Variants in SYNPR observed in about 807,000 individuals in gnomAD.
SYNPR encodes the protein synaptoporin.
In SYNPR, 23 loss-of-function variants were observed where a neutral mutation model predicts 32.9. The ratio of observed to expected loss-of-function variants is 0.70; its 90% CI spans 0.50 to 0.99. SYNPR has a LOEUF of 0.99. Ranked by LOEUF, SYNPR falls within the 50% of genes least tolerant of loss-of-function variation. The pLI is 0.00. For synonymous variants in SYNPR, 146 were observed against 135.9 expected (o/e 1.07, Z -0.52); for missense variants, 318 against 349.3 (o/e 0.91, Z 0.71).
chr3:63,260,226 A>G (rs1015881880), intron 2 of SYNPR, among the ~76,000 whole-genome samples: 1 of 152,196 alleles, frequency 6.6e-6, no homozygotes, highest in African/African-American at 2.4e-5. Context: ...ACTACTTTGA[A>G]GTTCATATGG....
intron 4 of SYNPR, among the ~76,000 whole-genome samples, chr3:63,586,277 CAA>C (rs368641190): frequency 7.2e-6 from 1 of 138,918 alleles, no homozygotes; most frequent in Admixed American, 7.3e-5. Context: ...TGCTCATTTG[CAA>C]AAAAAAAAGA....
At chr3:63,340,482 GGA>G (rs1431221661) in intron 2 of SYNPR, among the ~76,000 whole-genome samples, 1 of 148,236 alleles carries the variant, frequency 6.7e-6, no homozygotes, top group African/African-American at 2.5e-5. Flanking sequence ...TGCAGTGGCG[GGA>G]TCTCGGCTCA....
intron 2 of SYNPR, among the ~76,000 whole-genome samples, chr3:63,296,581 T>C (rs2086793445): frequency 6.6e-6 from 1 of 152,136 alleles, no homozygotes; most frequent in African/African-American, 2.4e-5. Context: ...CAGATAAACA[T>C]CTAGGAAGCA....
Position 63,331,271 on chromosome 3 carries a change from A to G in SYNPR, c.84+52529A>G, listed in dbSNP as rs183186647. Among the ~76,000 whole-genome samples, 364 of 152,338 alleles carry G rather than the reference A, an allele frequency of 2.4e-3. 1 individual carries two copies. Among genetic ancestry groups the G allele is most frequent in the African/African-American group, 8.6e-3 (356 of 41,572 alleles). The stretch of plus-strand genomic sequence containing the variant: ...TGAAACCTATTGCCGTTCTAGGATT[A>G]AAGGATCTCTCAACATACTTCTGGG... On this transcript the variant is annotated intron_variant, in intron 2 of 5. Transcript: ENST00000478300.
intron 2 of SYNPR, among the ~76,000 whole-genome samples, chr3:63,416,547 A>C (rs1416472489): frequency 2.7e-5 from 4 of 147,786 alleles, no homozygotes; most frequent in Non-Finnish European, 4.5e-5. Context: ...AAAAAAAAAA[A>C]AAAAACCAAA....
upstream of SYNPR, among the ~76,000 whole-genome samples, chr3:63,273,985 CACAA>C (rs577629859): frequency 2.3e-4 from 35 of 152,270 alleles, 1 homozygote; most frequent in South Asian, 6.2e-4. Context: ...AGATCAAACA[CACAA>C]ACAAATAAAC....
At chr3:63,467,112 G>A (rs369327821) in intron 2 of SYNPR, among the ~76,000 whole-genome samples, 5 of 152,100 alleles carry the variant, frequency 3.3e-5, no homozygotes, top group African/African-American at 1.2e-4. Context: ...TCAGGCTCAC[G>A]TCATCCTCCC....
chr3:63,419,038 A>T (rs1349698622), intron 2 of SYNPR, among the ~76,000 whole-genome samples: 17 of 152,204 alleles, frequency 1.1e-4, no homozygotes, highest in Admixed American at 1.1e-3. Context: ...CTTTTTCTAG[A>T]GTTCCTCCAT....
chr3:63,402,417 A>G lies in SYNPR; in HGVS notation c.85-78415A>G, dbSNP rs1575626209. On this transcript the variant is annotated intron_variant, in intron 2 of 5. Coordinates refer to ENST00000478300, the MANE Select transcript of SYNPR (RefSeq NM_001130003.2). ...ATCAGAGGATAGAAATTCAATATGAATTCTAGTTCTTATCCCAAAAGCAAG... is the reference window on the plus strand; with the variant it reads ...ATCAGAGGATAGAAATTCAATATGAGTTCTAGTTCTTATCCCAAAAGCAAG... Among the ~76,000 whole-genome samples the G allele has an allele frequency of 3.9e-5, 6 of 152,330 alleles. 1 individual carries two copies. Among genetic ancestry groups the G allele is most frequent in the East Asian group, 1.9e-4 (1 of 5,188 alleles).
chr3:63,610,561 A>G (rs1423247827), intron 5 of SYNPR: 5 of 689,666 alleles, frequency 7.2e-6, no homozygotes, highest in South Asian at 4.6e-5. Flanking sequence ...TTGGTGAGAT[A>G]GTAACCATGA....
intron 1 of SYNPR, among the ~76,000 whole-genome samples, chr3:63,246,179 C>T (rs2086287955): frequency 6.6e-6 from 1 of 152,008 alleles, no homozygotes. Flanking sequence ...AAATGTATCC[C>T]CTTGCATGCT....
chr3:63,342,532 A>G (rs2087383791), intron 2 of SYNPR, among the ~76,000 whole-genome samples: 1 of 152,084 alleles, frequency 6.6e-6, no homozygotes, highest in Admixed American at 6.6e-5. Context: ...TATTTTGTTG[A>G]TGATTTTATG....
chr3:63,352,146 T>C (rs375288333), intron 2 of SYNPR, among the ~76,000 whole-genome samples: 1 of 151,996 alleles, frequency 6.6e-6, no homozygotes, highest in Admixed American at 6.6e-5. Flanking sequence ...GGGTGTGGTG[T>C]GCACTGAGGG....
intron 5 of SYNPR, among the ~76,000 whole-genome samples, chr3:63,614,343 T>C (rs1189594891): frequency 6.6e-6 from 1 of 152,220 alleles, no homozygotes; most frequent in East Asian, 1.9e-4. Flanking sequence ...TGAGGACTTC[T>C]GTTCGGGCCT....
At chr3:63,408,269 GA>G (rs749223720) in intron 2 of SYNPR, among the ~76,000 whole-genome samples, 20 of 112,150 alleles carry the variant, frequency 1.8e-4, no homozygotes, top group Non-Finnish European at 3.0e-4. Context: ...AAGAAAGAAA[GA>G]AAGAAAGAGG....
At chr3:63,483,946 G>A (rs1348772730) in intron 3 of SYNPR, among the ~76,000 whole-genome samples, 1 of 152,126 alleles carries the variant, frequency 6.6e-6, no homozygotes, top group Non-Finnish European at 1.5e-5. Context: ...GTATTGCAAA[G>A]AGCAAAAGGA....
chr3:63,416,545 A>G (rs1405608551), intron 2 of SYNPR, among the ~76,000 whole-genome samples: 1 of 147,692 alleles, frequency 6.8e-6, no homozygotes, highest in Non-Finnish European at 1.5e-5. Flanking sequence ...AAAAAAAAAA[A>G]AAAAAAACCA....
chr3:63,441,601 T>C (rs1700177555), intron 2 of SYNPR, among the ~76,000 whole-genome samples: 1 of 152,212 alleles, frequency 6.6e-6, no homozygotes, highest in Admixed American at 6.5e-5. Flanking sequence ...CTGCTTCAGA[T>C]GTGTTCACTT....
At chr3:63,482,120 G>A (rs1417808501) in intron 3 of SYNPR, among the ~76,000 whole-genome samples, 2 of 152,120 alleles carry the variant, frequency 1.3e-5, no homozygotes, top group African/African-American at 2.4e-5. Flanking sequence ...GTGGAGAGCA[G>A]GGTAATATCT....
Sources: gnomAD v4.1 joint callset for allele counts (sites outside exome capture counted in the v4.1 genomes callset) on GRCh38, gnomAD v4.1.1 for gene constraint, MANE v1.5 for transcripts, NCBI Gene and HGNC (gene_info 2026-07-23, HGNC 2026-07-21) for gene names.